SASS6: variants seen among roughly 807,000 people sequenced by gnomAD.
The protein encoded by SASS6 is SAS-6 centriolar assembly protein.
In SASS6, 59 loss-of-function variants were observed where a neutral mutation model predicts 94.9. That is an observed-to-expected ratio of 0.62 (90% CI 0.50 to 0.77). The LOEUF is 0.77. Among genes scored for constraint, SASS6 ranks in the 30% least tolerant of loss-of-function variants. SASS6 has a pLI of 0.00. For missense variants in SASS6, 698 were observed against 734.1 expected, an observed-to-expected ratio of 0.95 and a Z score of 0.57; for synonymous variants, 264 against 270.0, an observed-to-expected ratio of 0.98 and a Z score of 0.22.
intron 12 of SASS6, among the ~76,000 whole-genome samples, chr1:100,106,229 CTGAG>C (rs1395694534): frequency 6.6e-6 from 1 of 152,008 alleles, no homozygotes; most frequent in African/African-American, 2.4e-5. Context: ...GTAGTATAAA[CTGAG>C]AAAATGTTAG....
intron 8 of SASS6, among the ~76,000 whole-genome samples, chr1:100,109,358 T>C (rs1203164829): frequency 6.6e-6 from 1 of 152,086 alleles, no homozygotes; most frequent in Non-Finnish European, 1.5e-5. Flanking sequence ...TATTTAAATA[T>C]AGACAAAATC....
chr1:100,093,174 C>CTTTTTTTTTTTTT lies in SASS6; in HGVS notation c.1675-4951_1675-4939dup, dbSNP rs909537970. On this transcript the variant is annotated intron_variant, in intron 14 of 16. Coordinates refer to ENST00000287482, the MANE Select transcript of SASS6 (RefSeq NM_194292.3). Reference sequence around the variant, plus strand: ...ACAAAAACAGAATACCTATTGTTTTCTTTTTTTTTTTTTTTTTTTTTTTTG... The same window carrying CTTTTTTTTTTTTT: ...ACAAAAACAGAATACCTATTGTTTTCTTTTTTTTTTTTTTTTTTTTTTTTTTTTTTTTTTTTTG... Among the ~76,000 whole-genome samples, 7 of 87,412 alleles carry CTTTTTTTTTTTTT rather than the reference C, an allele frequency of 8.0e-5. 1 individual carries two copies. Among genetic ancestry groups the CTTTTTTTTTTTTT allele is most frequent in the Admixed American group, 1.5e-4 (1 of 6,476 alleles). 57.3% of individuals were successfully genotyped at this position (87,412 alleles called of 152,430 possible). A position where few individuals can be genotyped will look rare whatever the true frequency, so the allele number is the denominator to read the frequency against.
At chr1:100,096,399 A>G (rs185316856) in intron 14 of SASS6, among the ~76,000 whole-genome samples, 1 of 152,336 alleles carries the variant, frequency 6.6e-6, no homozygotes, top group African/African-American at 2.4e-5. Flanking sequence ...AAAATGGATC[A>G]CAGATCTAAA....
intron 14 of SASS6, chr1:100,099,502 G>A (rs371329379): frequency 7.2e-5 from 11 of 152,464 alleles, no homozygotes; most frequent in African/African-American, 2.4e-4. Context: ...AGGGAGCCCA[G>A]GACTAGCCAC....
At chr1:100,111,939 T>C (rs909656071) in intron 7 of SASS6, among the ~76,000 whole-genome samples, 8 of 152,202 alleles carry the variant, frequency 5.3e-5, no homozygotes, top group African/African-American at 1.9e-4. Flanking sequence ...AATAAAGAAC[T>C]GGTTTTTATT....
chr1:100,124,344 T>C (rs921274377), intron 2 of SASS6, among the ~76,000 whole-genome samples: 4 of 152,208 alleles, frequency 2.6e-5, no homozygotes, highest in Non-Finnish European at 5.9e-5. Flanking sequence ...TCCTTGAATG[T>C]GTTCAGGGAA....
intron 7 of SASS6, among the ~76,000 whole-genome samples, chr1:100,111,685 T>C (rs1237630075): frequency 6.6e-6 from 1 of 152,054 alleles, no homozygotes; most frequent in Non-Finnish European, 1.5e-5. Context: ...TAAAATACCT[T>C]AGGAATTTTA....
chr1:100,094,214 T>A (rs1484128948), intron 14 of SASS6, among the ~76,000 whole-genome samples: 1 of 152,176 alleles, frequency 6.6e-6, no homozygotes, highest in African/African-American at 2.4e-5. Context: ...GATTAAATGA[T>A]TTAATCCTGT....
intron 2 of SASS6, 117 bp downstream of exon 2, chr1:100,125,765 A>G (rs1433097705): frequency 5.9e-6 from 4 of 676,474 alleles, no homozygotes; most frequent in Non-Finnish European, 1.0e-5. Flanking sequence ...CAGTTGCAAA[A>G]TAGCCTAAAA....
At chr1:100,120,242 T>G (rs938588452) in intron 6 of SASS6, 152 bp downstream of exon 6, 48 of 573,016 alleles carry the variant, frequency 8.4e-5, no homozygotes, top group Non-Finnish European at 8.9e-5. Flanking sequence ...ATTAAGATAA[T>G]TAAGTGGTAG....
At chr1:100,119,229 A>T (rs893606953) in intron 6 of SASS6, 92 bp from the exon 7 acceptor site, 1 of 670,400 alleles carries the variant, frequency 1.5e-6, no homozygotes, top group African/African-American at 1.9e-5. Context: ...AGGATATTAA[A>T]GAAAACAAAA....
At chr1:100,112,707 T>C (rs937452287) in intron 7 of SASS6, among the ~76,000 whole-genome samples, 2 of 152,220 alleles carry the variant, frequency 1.3e-5, no homozygotes, top group Admixed American at 6.5e-5. Context: ...CAGATTTCTA[T>C]ATAGTCACAA....
chr1:100,087,619 T>C (rs1651403095), intron 15 of SASS6, among the ~76,000 whole-genome samples: 1 of 152,192 alleles, frequency 6.6e-6, no homozygotes, highest in Non-Finnish European at 1.5e-5. Flanking sequence ...CAAAATGGCA[T>C]TAAAGCTTAT....
intron 14 of SASS6, among the ~76,000 whole-genome samples, chr1:100,093,942 A>T (rs1322042995): frequency 3.9e-5 from 6 of 152,200 alleles, no homozygotes; most frequent in Non-Finnish European, 5.9e-5. Context: ...AAGTAAGAAA[A>T]GGAGCCAAAC....
intron 14 of SASS6, among the ~76,000 whole-genome samples, chr1:100,097,327 A>G (rs1652172186): frequency 6.6e-6 from 1 of 152,228 alleles, no homozygotes; most frequent in Non-Finnish European, 1.5e-5. Flanking sequence ...ACCCACAATA[A>G]ATACAAAGAC....
At chr1:100,115,187 C>T (rs578042964) in intron 7 of SASS6, among the ~76,000 whole-genome samples, 1 of 152,164 alleles carries the variant, frequency 6.6e-6, no homozygotes, top group South Asian at 2.1e-4. Context: ...AATTCCAAAA[C>T]TCTTAGAAAC....
intron 11 of SASS6, 89 bp downstream of exon 11, chr1:100,107,285 C>T: frequency 1.3e-6 from 1 of 791,984 alleles, no homozygotes; most frequent in South Asian, 1.7e-5. Context: ...AAAAACAAGA[C>T]CAAAGCCATT....
In SASS6 at chr1:100,119,077, C is replaced by A; in HGVS notation, c.610G>T (p.Ala204Ser). The stretch of plus-strand genomic sequence containing the variant: ...TGAGAATGCTTGTTTGTCAAGGCTG[C>A]TGTATGTGACGCCCATTCATTCCGT... ...KLRNEWASHT[A>S]ALTNKHSQEL... is the part of the protein sequence containing the mutation. The change falls in exon 7 of 17, where the codon GCA (alanine) becomes TCA (serine). Residue 204 changes from alanine (A) to serine (S), a missense_variant. Ala to Ser is a moderately conservative substitution (Grantham distance 99). Coordinates refer to ENST00000287482, the MANE Select transcript of SASS6 (RefSeq NM_194292.3). 1 of 1,588,426 alleles carries A rather than the reference C, an allele frequency of 6.3e-7. No homozygotes were observed. Among genetic ancestry groups the A allele is most frequent in the Non-Finnish European group, 8.6e-7 (1 of 1,162,194 alleles).
At chr1:100,128,030 A>ATTATTTAT (rs546781592) in intron 1 of SASS6, among the ~76,000 whole-genome samples, 1 of 151,482 alleles carries the variant, frequency 6.6e-6, no homozygotes, top group Non-Finnish European at 1.5e-5. Context: ...TTTTATTTTA[A>ATTATTTAT]TTATTTATTT....
Sources: gnomAD v4.1 joint callset for allele counts (sites outside exome capture counted in the v4.1 genomes callset) on GRCh38, gnomAD v4.1.1 for gene constraint, MANE v1.5 for transcripts, NCBI Gene and HGNC (gene_info 2026-07-23, HGNC 2026-07-21) for gene names.